The following NISCH variants were observed in gnomAD, a reference collection of about 807,000 sequenced individuals.
NISCH encodes the protein I-1 receptor candidate protein.
NISCH carries 55 observed loss-of-function variants against 138.4 expected under a neutral mutation model. That is an observed-to-expected ratio of 0.40 (90% confidence interval 0.32 to 0.50). NISCH has a LOEUF of 0.50. Ranked by LOEUF, NISCH falls within the 20% of genes least tolerant of loss-of-function variation. NISCH has a pLI of 0.71. For missense variants in NISCH, 1,643 were observed against 2,005.5 expected (o/e 0.82, Z 3.45); for synonymous variants, 860 against 861.5 (o/e 1.00, Z 0.03).
chr3:52,489,845 C>A, intron 17 of NISCH, 167 bp downstream of exon 17: 1 of 1,305,516 alleles, frequency 7.7e-7, no homozygotes. Context: ...GAGTTGCCCT[C>A]CCCTGGCCAT....
Position 52,491,938 on chromosome 3 carries a change from A to C in NISCH, c.3971A>C (p.Glu1324Ala). The C allele has an allele frequency of 6.2e-7, 1 of 1,613,484 alleles. No homozygotes were observed. The highest frequency in any genetic ancestry group is 8.5e-7 in the Non-Finnish European group (1 of 1,179,946). Residue 1324 changes from glutamate to alanine, a missense_variant, in exon 21 of 21, where the codon GAG becomes GCG. By Grantham distance (107) the Glu-to-Ala change is moderately radical. Coordinates refer to ENST00000345716, the MANE Select transcript of NISCH (RefSeq NM_007184.4). ...AAGTTTACCTACCCCAGTGAGGAGGAGATTGGGGACCTGACGTTCACTGTG... is the reference window on the plus strand; with the variant it reads ...AAGTTTACCTACCCCAGTGAGGAGGCGATTGGGGACCTGACGTTCACTGTG... ...RVKFTYPSEE[E>A]IGDLTFTVAQ...
chr3:52,488,546 G>A lies in NISCH; in HGVS notation c.3054G>A (p.Gly1018=), dbSNP rs1707473118. The A allele has an allele frequency of 6.2e-7, 1 of 1,612,874 alleles. No homozygotes were observed. Among genetic ancestry groups the A allele is most frequent in the African/African-American group, 1.3e-5 (1 of 74,948 alleles). ...CTGTGGTCATCGCCAAGACCCCCGG[G>A]ACGGGAGGCAGCCCCCAGGGCTCCT... is the stretch of plus-strand genomic sequence containing the variant. The part of the protein sequence containing the change: ...LKTVVIAKTP[G]TGGSPQGSFA... The change falls in exon 16 of 21, where the codon GGG becomes GGA. Residue 1018 remains glycine, a synonymous_variant. Coordinates refer to ENST00000345716, the MANE Select transcript of NISCH (RefSeq NM_007184.4).
intron 1 of NISCH, among the ~76,000 whole-genome samples, chr3:52,457,316 C>CA (rs1232343329): frequency 2.0e-5 from 3 of 152,322 alleles, no homozygotes; most frequent in African/African-American, 7.2e-5. Flanking sequence ...GCCTTGATTC[C>CA]TGGCTCAGCA....
chr3:52,455,752 G>A lies in NISCH; in HGVS notation c.93+18G>A, dbSNP rs2153230219. ...CTTATACGGTGTGTTGGGGGCGCGG[G>A]CACCCGAAGCGGGGGTGGTGGCTGG... On this transcript the variant is annotated intron_variant, in intron 1 of 20. Coordinates refer to ENST00000345716, the MANE Select transcript of NISCH (RefSeq NM_007184.4). 1 of 1,340,298 alleles carries A rather than the reference G, an allele frequency of 7.5e-7. No homozygotes were observed. Among genetic ancestry groups the A allele is most frequent in the South Asian group, 2.4e-5 (1 of 41,974 alleles). The allele number at this position is 1,340,298 out of a possible 1,614,324, so 83.0% of individuals were successfully genotyped here.
intron 19 of NISCH, among the ~76,000 whole-genome samples, 181 bp from the exon 20 acceptor site, chr3:52,491,171 C>CCT (rs1266414458): frequency 6.6e-6 from 1 of 152,264 alleles, no homozygotes; most frequent in Non-Finnish European, 1.5e-5. Context: ...CAGAAAAATG[C>CCT]CTCAGCTCTT....
chr3:52,464,173 G>A (rs1490662938), intron 3 of NISCH, among the ~76,000 whole-genome samples: 3 of 151,790 alleles, frequency 2.0e-5, no homozygotes, highest in African/African-American at 7.3e-5. Context: ...TGAGGTGGGC[G>A]GATCACTTGA....
At chr3:52,481,251 A>T (rs960120439) in intron 13 of NISCH, 1 of 1,081,608 alleles carries the variant, frequency 9.2e-7, no homozygotes. Context: ...CAGAATGCTC[A>T]GCAGCCCTCC....
chr3:52,484,889 C>T (rs537515249), intron 14 of NISCH, among the ~76,000 whole-genome samples: 3 of 152,158 alleles, frequency 2.0e-5, no homozygotes, highest in Admixed American at 2.0e-4. Context: ...TTGATGGGAA[C>T]AGGCAGTTCT....
intron 19 of NISCH, 128 bp from the exon 20 acceptor site, chr3:52,491,224 T>C (rs1316057749): frequency 5.0e-6 from 7 of 1,399,876 alleles, no homozygotes; most frequent in Admixed American, 2.9e-5. Flanking sequence ...CATGATTCTT[T>C]CCTGTGTGGG....
chr3:52,461,862 CA>C (rs570499799), intron 3 of NISCH, among the ~76,000 whole-genome samples: 258 of 56,330 alleles, frequency 4.6e-3, no homozygotes, highest in South Asian at 0.013. Context: ...GACTCCGTCA[CA>C]AAAAAAAAAA....
chr3:52,481,636 G>A (rs1281938049), intron 13 of NISCH: 1 of 985,704 alleles, frequency 1.0e-6, no homozygotes, highest in Non-Finnish European at 1.2e-6. Flanking sequence ...GCCAGCATCT[G>A]TTGATCAGTG....
intron 1 of NISCH, among the ~76,000 whole-genome samples, chr3:52,456,146 A>G (rs1425176750): frequency 1.3e-5 from 2 of 152,070 alleles, no homozygotes; most frequent in East Asian, 1.9e-4. Flanking sequence ...GGATGGAATC[A>G]GGGAAAAGGG....
intron 16 of NISCH, among the ~76,000 whole-genome samples, chr3:52,488,895 T>C (rs1707486942): frequency 6.6e-6 from 1 of 152,170 alleles, no homozygotes; most frequent in Admixed American, 6.5e-5. Flanking sequence ...CTGCCCCACC[T>C]TTGCCTGCCC....
In NISCH at chr3:52,492,066, C is replaced by G. The variant is rs1164102207; in HGVS notation, c.4099C>G (p.Pro1367Ala). 10 of 1,612,974 alleles carry G rather than the reference C, an allele frequency of 6.2e-6. No individual in the cohort carries two copies. Among genetic ancestry groups the G allele is most frequent in the Non-Finnish European group, 8.5e-6 (10 of 1,179,980 alleles). Residue 1367 changes from proline to alanine, a missense_variant, in exon 21 of 21, where the codon CCC (proline) becomes GCC (alanine). Physicochemically the swap from Pro to Ala is conservative, Grantham distance 27 (BLOSUM62 -1). Coordinates refer to ENST00000345716, the MANE Select transcript of NISCH (RefSeq NM_007184.4). ...GCCACCCCCTGGGTGCTGCAGGGGCCCCCTGCGCCCCAAGACACTCCTGCT... is the reference window on the plus strand; with the variant it reads ...GCCACCCCCTGGGTGCTGCAGGGGCGCCCTGCGCCCCAAGACACTCCTGCT... ...GMPPPGCCRGPLRPKTLLLTS... is the reference protein window; with the variant it reads ...GMPPPGCCRGALRPKTLLLTS...
intron 7 of NISCH, 45 bp from the exon 8 acceptor site, chr3:52,476,401 GC>G (rs1364537633): frequency 6.2e-6 from 10 of 1,604,514 alleles, no homozygotes; most frequent in Non-Finnish European, 6.8e-6. Flanking sequence ...AGTGAGTGTT[GC>G]GTGAGGGCCC....
intron 7 of NISCH, among the ~76,000 whole-genome samples, chr3:52,475,174 T>G (rs192644811): frequency 2.0e-5 from 3 of 148,082 alleles, no homozygotes; most frequent in Non-Finnish European, 4.5e-5. Context: ...CTGGGCAACA[T>G]AGGGAGACCT....
chr3:52,485,121 T>C (rs958527631), intron 14 of NISCH, among the ~76,000 whole-genome samples: 1 of 152,190 alleles, frequency 6.6e-6, no homozygotes, highest in Non-Finnish European at 1.5e-5. Context: ...CTGTGGTTGT[T>C]ACTGAGAGTT....
chr3:52,467,511 C>G (rs1393112835), intron 3 of NISCH, among the ~76,000 whole-genome samples: 1 of 152,156 alleles, frequency 6.6e-6, no homozygotes, highest in East Asian at 1.9e-4. Context: ...GGCCCATGTG[C>G]TAGGTTTGGG....
At chr3:52,476,831 C>T (rs941122807) in intron 8 of NISCH, among the ~76,000 whole-genome samples, 1 of 151,960 alleles carries the variant, frequency 6.6e-6, no homozygotes, top group South Asian at 2.1e-4. Flanking sequence ...GTCAGGAGTT[C>T]GAGACCAGCC....
Sources: gnomAD v4.1 joint callset for allele counts (sites outside exome capture counted in the v4.1 genomes callset) on GRCh38, gnomAD v4.1.1 for gene constraint, MANE v1.5 for transcripts, NCBI Gene and HGNC (gene_info 2026-07-23, HGNC 2026-07-21) for gene names.